Variants in PLCB1 observed in about 807,000 individuals in gnomAD.
PLCB1 encodes phospholipase C beta 1.
Under a neutral mutation model 161.8 loss-of-function variants are expected in PLCB1, and 46 were observed. That is an observed-to-expected ratio of 0.28 (90% CI 0.22 to 0.36). The LOEUF is 0.36. Among genes scored for constraint, PLCB1 ranks in the 10% least tolerant of loss-of-function variants. PLCB1 has a pLI of 1.00. For synonymous variants in PLCB1, 517 were observed against 503.7 expected, an observed-to-expected ratio of 1.03 and a Z score of -0.35; for missense variants, 1,016 against 1,472.5, an observed-to-expected ratio of 0.69 and a Z score of 5.07.
chr20:8,478,507 A>G (rs530634045), intron 3 of PLCB1, among the ~76,000 whole-genome samples: 3 of 152,156 alleles, frequency 2.0e-5, no homozygotes, highest in Non-Finnish European at 2.9e-5. Flanking sequence ...ATAAATATAC[A>G]TATATAAATA....
At chr20:8,767,140 A>G (rs1404650985) in intron 26 of PLCB1, among the ~76,000 whole-genome samples, 3 of 152,172 alleles carry the variant, frequency 2.0e-5, no homozygotes, top group African/African-American at 7.2e-5. Context: ...TCTAGCCTAG[A>G]TCAGTGCATC....
chr20:8,309,435 A>G (rs967832104), intron 2 of PLCB1, among the ~76,000 whole-genome samples: 3 of 152,226 alleles, frequency 2.0e-5, no homozygotes, highest in Non-Finnish European at 2.9e-5. Context: ...TTGTTGAATA[A>G]GAAAACATAA....
chr20:8,208,574 G>A (rs1202772284), intron 2 of PLCB1, among the ~76,000 whole-genome samples: 1 of 146,528 alleles, frequency 6.8e-6, no homozygotes, highest in Non-Finnish European at 1.5e-5. Context: ...TAAACACACA[G>A]ATGTCTTAAT....
chr20:8,612,809 A>G (rs1346425767), intron 3 of PLCB1, among the ~76,000 whole-genome samples: 3 of 152,222 alleles, frequency 2.0e-5, no homozygotes, highest in Non-Finnish European at 2.9e-5. Flanking sequence ...TCTGAAGTCA[A>G]ATACTCTACC....
chr20:8,242,000 A>C (rs1980636819), intron 2 of PLCB1, among the ~76,000 whole-genome samples: 1 of 151,938 alleles, frequency 6.6e-6, no homozygotes, highest in African/African-American at 2.4e-5. Context: ...GGCTTTGGGA[A>C]GTATAATTTT....
intron 29 of PLCB1, among the ~76,000 whole-genome samples, 162 bp downstream of exon 29, chr20:8,788,884 G>T (rs1983618763): frequency 6.6e-6 from 1 of 152,124 alleles, no homozygotes; most frequent in Admixed American, 6.5e-5. Context: ...AACAGGGAAG[G>T]CTCAAGCAAA....
rs565818740 is a variant in PLCB1 at position 8,210,123 on chromosome 20, A to T, written c.177+59752A>T. On this transcript the variant is annotated intron_variant, in intron 2 of 31. Transcript: ENST00000338037. ...TTTTTAATGTGAAAAGTGTAACTTT[A>T]CTGGAAATATATCTCTTAATAAGAT... Among the ~76,000 whole-genome samples the T allele has an allele frequency of 2.6e-5, 4 of 152,240 alleles. No homozygotes were observed. The South Asian group carries it at 8.3e-4, about 32-fold the overall frequency.
At chr20:8,662,361 T>C (rs1216846416) in intron 9 of PLCB1, among the ~76,000 whole-genome samples, 1 of 128,328 alleles carries the variant, frequency 7.8e-6, no homozygotes, top group South Asian at 2.3e-4. Flanking sequence ...TATGTAATTA[T>C]TTATTATATA....
At chr20:8,744,036 T>G (rs974711689) in intron 23 of PLCB1, among the ~76,000 whole-genome samples, 6 of 152,188 alleles carry the variant, frequency 3.9e-5, no homozygotes, top group Admixed American at 2.0e-4. Flanking sequence ...AATATCATTC[T>G]TCTCTAAATA....
intron 3 of PLCB1, among the ~76,000 whole-genome samples, chr20:8,622,906 A>G (rs1302641871): frequency 6.6e-6 from 1 of 151,138 alleles, no homozygotes; most frequent in African/African-American, 2.4e-5. Context: ...AGCTCAGGCA[A>G]TGCAACTTTT....
chr20:8,729,245 A>T (rs1568575563), intron 18 of PLCB1, 71 bp downstream of exon 18: 1 of 1,344,274 alleles, frequency 7.4e-7, no homozygotes, highest in Non-Finnish European at 9.8e-7. Context: ...TTCTTACATA[A>T]TTGGGGGAGA....
At chr20:8,448,227 C>T (rs1158641875) in intron 3 of PLCB1, among the ~76,000 whole-genome samples, 1 of 152,176 alleles carries the variant, frequency 6.6e-6, no homozygotes, top group African/African-American at 2.4e-5. Flanking sequence ...AAAGAAACTT[C>T]ACAGTATTTG....
intron 2 of PLCB1, among the ~76,000 whole-genome samples, chr20:8,207,177 A>G (rs1978577529): frequency 6.6e-6 from 1 of 152,024 alleles, no homozygotes; most frequent in Non-Finnish European, 1.5e-5. Context: ...TGCAGAAAAC[A>G]AAAAAAATTC....
At chr20:8,777,730 AAAAG>A (rs1461859139) in intron 27 of PLCB1, among the ~76,000 whole-genome samples, 5 of 151,794 alleles carry the variant, frequency 3.3e-5, no homozygotes, top group South Asian at 2.1e-4. Flanking sequence ...AAAAAAAAAA[AAAAG>A]AAGTCTGGAC....
intron 3 of PLCB1, among the ~76,000 whole-genome samples, chr20:8,556,991 TA>T (rs968970211): frequency 5.2e-5 from 7 of 135,506 alleles, no homozygotes; most frequent in African/African-American, 2.1e-4. Flanking sequence ...ATAAAATAAA[TA>T]AATAAATAAA....
At chr20:8,338,711 G>A (rs910931141) in intron 2 of PLCB1, among the ~76,000 whole-genome samples, 1 of 152,144 alleles carries the variant, frequency 6.6e-6, no homozygotes, top group Non-Finnish European at 1.5e-5. Context: ...TTTGACAAAT[G>A]TATACACCTG....
intron 31 of PLCB1, among the ~76,000 whole-genome samples, chr20:8,821,122 T>C (rs1339517443): frequency 6.6e-6 from 1 of 152,116 alleles, no homozygotes; most frequent in Non-Finnish European, 1.5e-5. Flanking sequence ...CTTTTATATG[T>C]ACTCAATATT....
intron 2 of PLCB1, among the ~76,000 whole-genome samples, chr20:8,297,959 AT>A (rs1983714323): frequency 2.1e-5 from 3 of 144,640 alleles, no homozygotes; most frequent in African/African-American, 7.8e-5. Context: ...CTTGTTTGCC[AT>A]TTTAAATCAC....
chr20:8,429,136 G>C (rs532947412), intron 3 of PLCB1, among the ~76,000 whole-genome samples: 1 of 152,118 alleles, frequency 6.6e-6, no homozygotes, highest in Non-Finnish European at 1.5e-5. Flanking sequence ...GAACAGGCTC[G>C]TGGGAGAAGT....
Sources: gnomAD v4.1 joint callset for allele counts (sites outside exome capture counted in the v4.1 genomes callset) on GRCh38, gnomAD v4.1.1 for gene constraint, MANE v1.5 for transcripts, NCBI Gene and HGNC (gene_info 2026-07-23, HGNC 2026-07-21) for gene names.